Variants in LHFPL3 observed in about 807,000 individuals in gnomAD.
The protein encoded by LHFPL3 is LHFPL tetraspan subfamily member 3.
In LHFPL3, 5 loss-of-function variants were observed where a neutral mutation model predicts 19.3. The ratio of observed to expected loss-of-function variants is 0.26; its 90% CI spans 0.14 to 0.54. The LOEUF is 0.54. Among genes scored for constraint, LHFPL3 ranks in the 20% least tolerant of loss-of-function variants. The pLI is 0.94. For missense variants in LHFPL3, 249 were observed against 307.4 expected, an observed-to-expected ratio of 0.81 and a Z score of 1.42; for synonymous variants, 133 against 126.2, an observed-to-expected ratio of 1.05 and a Z score of -0.36.
chr7:104,736,932 T>A, intron 2 of LHFPL3, 21 bp downstream of exon 2: 1 of 1,552,888 alleles, frequency 6.4e-7, no homozygotes, highest in Non-Finnish European at 8.8e-7. Flanking sequence ...TTTAAGGAAC[T>A]CTTACCTGGA....
intron 2 of LHFPL3, among the ~76,000 whole-genome samples, chr7:104,813,164 G>C (rs994294384): frequency 3.9e-5 from 6 of 152,094 alleles, no homozygotes; most frequent in African/African-American, 1.4e-4. Flanking sequence ...TGTGGTGCCA[G>C]CTACTGGGGA....
chr7:104,745,401 C>A (rs1794022160), intron 2 of LHFPL3, among the ~76,000 whole-genome samples: 1 of 152,196 alleles, frequency 6.6e-6, no homozygotes, highest in Non-Finnish European at 1.5e-5. Flanking sequence ...ATGAGAAAAA[C>A]AAAACTCTTC....
intron 1 of LHFPL3, among the ~76,000 whole-genome samples, chr7:104,517,305 A>T (rs979473577): frequency 1.3e-5 from 2 of 152,012 alleles, no homozygotes; most frequent in Non-Finnish European, 2.9e-5. Flanking sequence ...TTAAATTTTT[A>T]AAAAAATTGT....
chr7:104,457,110 A>G (rs994751334), intron 1 of LHFPL3, among the ~76,000 whole-genome samples: 17 of 152,038 alleles, frequency 1.1e-4, no homozygotes, highest in Non-Finnish European at 8.8e-5. Flanking sequence ...TTTTATGCCC[A>G]CTACATTTTT....
At chr7:104,755,363 G>A (rs1319700670) in intron 2 of LHFPL3, among the ~76,000 whole-genome samples, 1 of 152,150 alleles carries the variant, frequency 6.6e-6, no homozygotes, top group East Asian at 1.9e-4. Context: ...CATGGGTACT[G>A]GGAAGGGTGT....
At chr7:104,901,095 C>T (rs1371282838) in intron 2 of LHFPL3, among the ~76,000 whole-genome samples, 2 of 152,212 alleles carry the variant, frequency 1.3e-5, no homozygotes, top group African/African-American at 2.4e-5. Context: ...TCGTGTCTCA[C>T]GGTCTTAAGA....
intron 1 of LHFPL3, among the ~76,000 whole-genome samples, chr7:104,691,025 A>G (rs1336000543): frequency 1.3e-5 from 2 of 152,212 alleles, no homozygotes; most frequent in African/African-American, 2.4e-5. Context: ...AGGTTCTACC[A>G]TCTTCTGCAG....
intron 1 of LHFPL3, among the ~76,000 whole-genome samples, chr7:104,474,687 C>CAAAAAAA (rs928431129): frequency 5.1e-4 from 21 of 41,004 alleles, no homozygotes; most frequent in Admixed American, 9.5e-4. Context: ...ACAACAACAA[C>CAAAAAAA]AAAAAAAAAA....
chr7:104,390,041 G>A (rs1269261893), intron 1 of LHFPL3, among the ~76,000 whole-genome samples: 1 of 151,262 alleles, frequency 6.6e-6, no homozygotes, highest in Non-Finnish European at 1.5e-5. Flanking sequence ...AAAACTTTTT[G>A]TGCATCAGAG....
rs530949405 is a variant in LHFPL3, at chr7:104,678,020, T to C, written c.446-58655T>C. 1.2e-4 allele frequency among the ~76,000 whole-genome samples: 19 copies of C among 152,352 alleles called. No homozygotes were observed. In the South Asian group the frequency reaches 2.9e-3, roughly 23 times the overall value. ...CTTGTTTGATGCAAGAACTCTGGAT[T>C]ACACAAGATCTGAGACAATCAGCCC... On this transcript the variant is annotated intron_variant, in intron 1 of 2. Coordinates refer to ENST00000424859, the MANE Select transcript of LHFPL3 (RefSeq NM_199000.3).
intron 1 of LHFPL3, among the ~76,000 whole-genome samples, chr7:104,555,880 A>C (rs1167026097): frequency 6.6e-6 from 1 of 152,088 alleles, no homozygotes; most frequent in African/African-American, 2.4e-5. Context: ...AGGCATTACA[A>C]CCATTCCAAA....
chr7:104,529,375 T>C (rs1054679448), intron 1 of LHFPL3, among the ~76,000 whole-genome samples: 1 of 152,158 alleles, frequency 6.6e-6, no homozygotes. Flanking sequence ...CGAGGAATTA[T>C]TTCCAGTTCC....
intron 1 of LHFPL3, among the ~76,000 whole-genome samples, chr7:104,580,287 G>A (rs1280140793): frequency 6.6e-6 from 1 of 152,100 alleles, no homozygotes; most frequent in African/African-American, 2.4e-5. Context: ...TATCACAGGT[G>A]ATAACTGAAG....
At chr7:104,409,328 GTGTGTGTGTGTGTC>G (rs1311194564) in intron 1 of LHFPL3, among the ~76,000 whole-genome samples, 17 of 150,212 alleles carry the variant, frequency 1.1e-4, no homozygotes, top group African/African-American at 3.5e-4. Context: ...GTGTGTGTGT[GTGTGTGTGTGTGTC>G]TGTGTGAAAG....
intron 1 of LHFPL3, among the ~76,000 whole-genome samples, chr7:104,377,689 C>T (rs763104255): frequency 1.3e-5 from 2 of 152,120 alleles, no homozygotes. Flanking sequence ...TGACAGTTGG[C>T]AAAACAGTGA....
intron 1 of LHFPL3, among the ~76,000 whole-genome samples, chr7:104,515,721 T>C (rs1176433428): frequency 6.6e-6 from 1 of 152,170 alleles, no homozygotes; most frequent in Non-Finnish European, 1.5e-5. Flanking sequence ...AGGAAATTTT[T>C]CCACCCCTTT....
At chr7:104,507,091 G>A (rs1793713979) in intron 1 of LHFPL3, among the ~76,000 whole-genome samples, 1 of 152,152 alleles carries the variant, frequency 6.6e-6, no homozygotes, top group African/African-American at 2.4e-5. Flanking sequence ...TTTGTGTGAA[G>A]CAGCAAACAG....
At chr7:104,330,669 C>G (rs1423917767) in intron 1 of LHFPL3, among the ~76,000 whole-genome samples, 1 of 152,146 alleles carries the variant, frequency 6.6e-6, no homozygotes, top group South Asian at 2.1e-4. Flanking sequence ...GAGACTCCCT[C>G]CTTTACACAT....
chr7:104,454,828 A>G (rs976753121), intron 1 of LHFPL3, among the ~76,000 whole-genome samples: 3 of 152,228 alleles, frequency 2.0e-5, no homozygotes, highest in South Asian at 2.1e-4. Context: ...TAACTGTTCA[A>G]TTCTTTAATT....
Sources: allele counts gnomAD v4.1 joint callset (sites outside exome capture counted in the v4.1 genomes callset), GRCh38; gene constraint gnomAD v4.1.1; transcripts MANE v1.5; gene names NCBI Gene and HGNC (gene_info 2026-07-23, HGNC 2026-07-21).